The following ATP10A variants were observed in gnomAD, a reference collection of about 807,000 sequenced individuals.
The protein encoded by ATP10A is phospholipid-transporting ATPase VA.
In ATP10A, 111 loss-of-function variants were observed where a neutral mutation model predicts 147.8. That is an observed-to-expected ratio of 0.75 (90% CI 0.64 to 0.88). The LOEUF is 0.88. ATP10A is among the 40% of genes least tolerant of loss of function. The probability of loss-of-function intolerance (pLI) is 0.00; values close to 1 mark genes in which losing one functional copy is unlikely to be tolerated. For missense variants in ATP10A, 1,927 were observed against 1,959.0 expected, an observed-to-expected ratio of 0.98 and a Z score of 0.31; for synonymous variants, 875 against 841.6, an observed-to-expected ratio of 1.04 and a Z score of -0.69.
At chr15:25,749,338 A>C (rs559899083) in intron 2 of ATP10A, among the ~76,000 whole-genome samples, 1 of 152,320 alleles carries the variant, frequency 6.6e-6, no homozygotes, top group Non-Finnish European at 1.5e-5. Flanking sequence ...GGTGCAAATA[A>C]GAGAGAAATA....
chr15:25,779,219 G>T (rs956363118), intron 2 of ATP10A, among the ~76,000 whole-genome samples: 1 of 152,152 alleles, frequency 6.6e-6, no homozygotes, highest in Non-Finnish European at 1.5e-5. Flanking sequence ...ATCTATCTGC[G>T]GCGTTCCCCT....
chr15:25,814,992 C>T (rs566940571), intron 1 of ATP10A, among the ~76,000 whole-genome samples: 5 of 152,212 alleles, frequency 3.3e-5, no homozygotes, highest in Admixed American at 1.3e-4. Flanking sequence ...AGAATGTATA[C>T]ACAGGAAGGT....
intron 2 of ATP10A, among the ~76,000 whole-genome samples, chr15:25,761,047 A>G (rs1888731401): frequency 6.6e-6 from 1 of 152,256 alleles, no homozygotes; most frequent in African/African-American, 2.4e-5. Context: ...TGAATCCAAA[A>G]GATACATAGT....
At chr15:25,800,934 A>T (rs1213032793) in intron 1 of ATP10A, among the ~76,000 whole-genome samples, 2 of 152,170 alleles carry the variant, frequency 1.3e-5, no homozygotes, top group Non-Finnish European at 2.9e-5. Context: ...GTGTTTGATG[A>T]ACCCGCTGTA....
chr15:25,775,268 T>TA (rs1345622955), intron 2 of ATP10A, among the ~76,000 whole-genome samples: 1 of 152,108 alleles, frequency 6.6e-6, no homozygotes, highest in South Asian at 2.1e-4. Context: ...AGCAGTTTTT[T>TA]AAAAAAAATA....
chr15:25,790,451 G>A lies in ATP10A; in HGVS notation c.450-9228C>T, dbSNP rs116677625. On this transcript the variant is annotated intron_variant, in intron 1 of 20. Transcript: ENST00000555815. ...ATACTGGTCGCTCTGTGGTAAGTCA[G>A]AAAGGGCTGAATGTTGTCCCAGCGG... Among the ~76,000 whole-genome samples, 323 of 152,316 alleles carry A rather than the reference G, an allele frequency of 2.1e-3. 2 individuals are homozygous for A. The highest frequency in any genetic ancestry group is 7.5e-3 in the African/African-American group (313 of 41,560).
intron 2 of ATP10A, among the ~76,000 whole-genome samples, chr15:25,755,985 T>G (rs943663619): frequency 1.3e-5 from 2 of 152,230 alleles, no homozygotes; most frequent in Admixed American, 6.5e-5. Flanking sequence ...AACCTTCACA[T>G]AACAAACCTT....
chr15:25,701,939 T>A lies in ATP10A; in HGVS notation c.2737A>T (p.Ile913Phe). The A allele has an allele frequency of 6.2e-7, 1 of 1,610,584 alleles. No homozygotes were observed. Among genetic ancestry groups the A allele is most frequent in the South Asian group, 1.1e-5 (1 of 90,574 alleles). ...CKLLDHDEEVITLNATSQEAC... is the reference protein window; with the variant it reads ...CKLLDHDEEVFTLNATSQEAC... ...ACCTGGGAGGTGGCATTCAGGGTGA[T>A]GACCTCCTCGTCGTGGTCCAGCAGT... The change falls in exon 13 of 21, where the codon ATC (isoleucine) becomes TTC (phenylalanine). Residue 913 changes from isoleucine (I) to phenylalanine (F), a missense_variant. Coordinates refer to ENST00000555815, the MANE Select transcript of ATP10A (RefSeq NM_024490.4).
intron 1 of ATP10A, among the ~76,000 whole-genome samples, chr15:25,837,021 T>C (rs978441528): frequency 1.3e-5 from 2 of 152,152 alleles, no homozygotes; most frequent in South Asian, 2.1e-4. Context: ...GTGAAATACA[T>C]AGAGAAATGA....
Position 25,680,928 on chromosome 15 carries a change from G to A in ATP10A, c.3574-14C>T. 2 of 1,613,926 alleles carry A rather than the reference G, an allele frequency of 1.2e-6. No individual in the cohort carries two copies. Among genetic ancestry groups the A allele is most frequent in the Non-Finnish European group, 1.7e-6 (2 of 1,179,846 alleles). On this transcript the variant is annotated splice_polypyrimidine_tract_variant and intron_variant, in intron 18 of 20. Transcript: ENST00000555815. ...GTCATAGTAGGCCTGAAAGACAGTG[G>A]GGTCCTGGATCTGTAGGTCCCCGGA...
intron 2 of ATP10A, among the ~76,000 whole-genome samples, chr15:25,737,670 A>C (rs1887360555): frequency 6.6e-6 from 1 of 152,120 alleles, no homozygotes; most frequent in Non-Finnish European, 1.5e-5. Context: ...GCTGAACTGG[A>C]GCCCCTCATC....
intron 9 of ATP10A, 52 bp downstream of exon 9, chr15:25,716,678 G>A: frequency 6.9e-7 from 1 of 1,458,434 alleles, no homozygotes; most frequent in Non-Finnish European, 9.2e-7. Context: ...TGACAACCAT[G>A]GCCCGCAGCG....
chr15:25,716,955 C>T (rs1328715182), intron 8 of ATP10A, 31 bp from the exon 9 acceptor site: 11 of 1,503,540 alleles, frequency 7.3e-6, no homozygotes, highest in Non-Finnish European at 8.9e-6. Context: ...CAGTGAGTCC[C>T]ACCCAGTAGC....
chr15:25,732,057 A>G (rs768818683), intron 3 of ATP10A, among the ~76,000 whole-genome samples: 3 of 152,050 alleles, frequency 2.0e-5, no homozygotes, highest in Admixed American at 6.6e-5. Flanking sequence ...ATTTTTGTAG[A>G]GACAAGGTCT....
intron 1 of ATP10A, among the ~76,000 whole-genome samples, chr15:25,813,085 G>A (rs1462936845): frequency 6.6e-6 from 1 of 152,174 alleles, no homozygotes; most frequent in Non-Finnish European, 1.5e-5. Flanking sequence ...CAGAAGGAGA[G>A]CTCTAGTTGT....
intron 1 of ATP10A, among the ~76,000 whole-genome samples, chr15:25,831,636 G>A (rs929638771): frequency 2.0e-5 from 3 of 152,112 alleles, no homozygotes; most frequent in African/African-American, 4.8e-5. Context: ...GAGCTCACAC[G>A]ATGTGCAAAG....
At chr15:25,857,808 C>T (rs1893581752) in intron 1 of ATP10A, among the ~76,000 whole-genome samples, 1 of 151,748 alleles carries the variant, frequency 6.6e-6, no homozygotes, top group Non-Finnish European at 1.5e-5. Flanking sequence ...TAGATCTGGG[C>T]TCAAATCACG....
Position 25,695,143 on chromosome 15 carries a change from C to T in ATP10A, c.2764G>A (p.Ala922Thr), listed in dbSNP as rs918700400. ...VITLNATSQE[A>T]CAALLDQCLC... is the part of the protein sequence containing the mutation. ...CACTGGTCTAGCAGGGCTGCACACG[C>T]CTCCTGAAAGGGACATGAGAGGACA... The change falls in exon 14 of 21, where the codon GCG becomes ACG. Residue 922 changes from alanine (A) to threonine (T), a missense_variant. Ala to Thr is a moderately conservative substitution (Grantham distance 58, BLOSUM62 0). Transcript: ENST00000555815. 1 of 1,608,570 alleles carries T rather than the reference C, an allele frequency of 6.2e-7. No homozygotes were observed. Among genetic ancestry groups the T allele is most frequent in the Non-Finnish European group, 8.5e-7 (1 of 1,176,344 alleles).
intron 15 of ATP10A, among the ~76,000 whole-genome samples, chr15:25,688,230 C>T (rs1199414115): frequency 1.3e-5 from 2 of 152,206 alleles, no homozygotes; most frequent in Non-Finnish European, 2.9e-5. Flanking sequence ...CCAAGGATGA[C>T]CCAAAGCTGC....
Sources: allele counts gnomAD v4.1 joint callset (sites outside exome capture counted in the v4.1 genomes callset), GRCh38; gene constraint gnomAD v4.1.1; transcripts MANE v1.5; gene names NCBI Gene and HGNC (gene_info 2026-07-23, HGNC 2026-07-21).